The following ARID4B variants were observed in gnomAD, a reference collection of about 807,000 sequenced individuals.
The protein encoded by ARID4B is AT-rich interaction domain 4B.
Under a neutral mutation model 147.5 loss-of-function variants are expected in ARID4B, and 26 were observed. The ratio of observed to expected loss-of-function variants is 0.18; its 90% CI spans 0.13 to 0.24. The LOEUF (loss-of-function observed/expected upper bound fraction) is 0.24. Among genes scored for constraint, ARID4B ranks in the 10% least tolerant of loss-of-function variants. The pLI, the probability that ARID4B is intolerant of heterozygous loss-of-function variation, is 1.00. For missense variants in ARID4B, 1,179 were observed against 1,511.5 expected (o/e 0.78, Z 3.65); for synonymous variants, 512 against 507.9 (o/e 1.01, Z -0.11).
rs117945432 is a variant in ARID4B at position 235,252,589 on chromosome 1, T to C, written c.354+141A>G. On this transcript the variant is annotated intron_variant, in intron 6 of 23. Transcript: ENST00000264183. ...CTCAAACACAGGGCCTTAAACAGGC[T>C]TCACAGATTACATCATAAGGGTATT... 9.1e-5 allele frequency: 52 copies of C among 569,668 alleles called. No individual in the cohort carries two copies. In the East Asian group the frequency reaches 1.6e-3, roughly 18 times the overall value. 35.3% of individuals were successfully genotyped at this position (569,668 alleles called of 1,614,324 possible).
chr1:235,230,441 C>CA (rs925591735), intron 10 of ARID4B, among the ~76,000 whole-genome samples: 31 of 100,382 alleles, frequency 3.1e-4, no homozygotes, highest in African/African-American at 9.1e-4. Context: ...CAAAACAAAA[C>CA]AAAAAAAACA....
chr1:235,192,408 G>A (rs1369488251), intron 19 of ARID4B, among the ~76,000 whole-genome samples: 1 of 152,126 alleles, frequency 6.6e-6, no homozygotes, highest in African/African-American at 2.4e-5. Flanking sequence ...TATTATTACT[G>A]TTCTTTAAAC....
At chr1:235,244,559 T>C (rs971942257) in intron 7 of ARID4B, among the ~76,000 whole-genome samples, 11 of 152,098 alleles carry the variant, frequency 7.2e-5, no homozygotes, top group African/African-American at 2.4e-4. Context: ...AGGTAGAATA[T>C]ACTGAAACTC....
In ARID4B at chr1:235,177,893, C is replaced by G; in HGVS notation, c.3355G>C (p.Val1119Leu). 1 of 1,610,284 alleles carries G rather than the reference C, an allele frequency of 6.2e-7. No individual in the cohort carries two copies. The highest frequency in any genetic ancestry group is 8.5e-7 in the Non-Finnish European group (1 of 1,178,000). ...CTTCCTCCTCCCTGAGCATCTTTCA[C>G]TCTTTTCTGACCTGTACAGGCTATG... ...PEKACTGQKR[V>L]KDAQGGGSSS... The change falls in exon 21 of 24, where the codon GTG becomes CTG. Residue 1119 changes from valine (V) to leucine (L), a missense_variant. Val to Leu is a conservative substitution (Grantham distance 32). Coordinates refer to ENST00000264183, the MANE Select transcript of ARID4B (RefSeq NM_016374.6).
intron 7 of ARID4B, among the ~76,000 whole-genome samples, chr1:235,243,592 T>C (rs1357536040): frequency 6.6e-6 from 1 of 152,158 alleles, no homozygotes; most frequent in Admixed American, 6.5e-5. Context: ...CACACTTCAC[T>C]ATTAACTCTA....
At chr1:235,203,398 A>C (rs937834003) in intron 17 of ARID4B, among the ~76,000 whole-genome samples, 1 of 152,244 alleles carries the variant, frequency 6.6e-6, no homozygotes, top group Admixed American at 6.5e-5. Context: ...TAGTTAATAT[A>C]TACCTAAAAA....
At chr1:235,245,785 C>A (rs376120313) in intron 7 of ARID4B, among the ~76,000 whole-genome samples, 3 of 152,068 alleles carry the variant, frequency 2.0e-5, no homozygotes, top group Non-Finnish European at 2.9e-5. Flanking sequence ...TATGAATTCA[C>A]TTAATTTTCA....
At chr1:235,302,153 G>GAAAAAAAAAAGAAAAAA (rs1673197247) in intron 2 of ARID4B, among the ~76,000 whole-genome samples, 1 of 30,668 alleles carries the variant, frequency 3.3e-5, no homozygotes, top group African/African-American at 1.3e-4. Context: ...TCAAAAAACG[G>GAAAAAAAAAAGAAAAAA]AAAAAAAAAA....
intron 5 of ARID4B, among the ~76,000 whole-genome samples, chr1:235,254,718 A>C (rs1669841361): frequency 6.6e-6 from 1 of 151,952 alleles, no homozygotes; most frequent in African/African-American, 2.4e-5. Flanking sequence ...CAAAACTAAT[A>C]AGAAAAAGAT....
intron 2 of ARID4B, among the ~76,000 whole-genome samples, chr1:235,310,410 G>T (rs532742254): frequency 6.6e-6 from 1 of 152,128 alleles, no homozygotes; most frequent in Non-Finnish European, 1.5e-5. Context: ...AAAAGAACAG[G>T]CTCTGTGATC....
In ARID4B at chr1:235,277,548, A is replaced by AT. The variant is rs1194294649; in HGVS notation, c.7-16797_7-16796insA. 1.2e-3 allele frequency among the ~76,000 whole-genome samples: 182 copies of AT among 149,882 alleles called. 3 individuals carry two copies. The highest frequency in any genetic ancestry group is 3.8e-3 in the African/African-American group (156 of 40,570). On this transcript the variant is annotated intron_variant, in intron 2 of 23. Transcript: ENST00000264183. ...CGAGACTCCGTCTCAAAAAAAAAAAAAAATAATAATAATAATGTAAATGAG... is the reference window on the plus strand; with the variant it reads ...CGAGACTCCGTCTCAAAAAAAAAAAATAAATAATAATAATAATGTAAATGAG...
chr1:235,273,887 A>G (rs1671141345), intron 2 of ARID4B, among the ~76,000 whole-genome samples: 1 of 152,234 alleles, frequency 6.6e-6, no homozygotes, highest in South Asian at 2.1e-4. Flanking sequence ...TTTGCTGGAG[A>G]GATCAATGTT....
intron 21 of ARID4B, among the ~76,000 whole-genome samples, chr1:235,177,239 T>G (rs898090212): frequency 6.6e-6 from 1 of 152,256 alleles, no homozygotes; most frequent in African/African-American, 2.4e-5. Context: ...AGTTGAAATA[T>G]TTCACAATGT....
At chr1:235,288,374 T>C (rs764880393) in intron 2 of ARID4B, among the ~76,000 whole-genome samples, 6 of 152,242 alleles carry the variant, frequency 3.9e-5, no homozygotes, top group South Asian at 2.1e-4. Context: ...ATTCTCATTT[T>C]GGCATATGTT....
At chr1:235,239,161 G>T (rs540708772) in intron 8 of ARID4B, among the ~76,000 whole-genome samples, 9 of 151,912 alleles carry the variant, frequency 5.9e-5, no homozygotes, top group Admixed American at 5.2e-4. Context: ...TAGTAGAGAC[G>T]GGGTTTTGCC....
chr1:235,255,114 C>T (rs1343785256), intron 5 of ARID4B, among the ~76,000 whole-genome samples: 1 of 151,672 alleles, frequency 6.6e-6, no homozygotes, highest in African/African-American at 2.4e-5. Flanking sequence ...TTCAATCCAG[C>T]ATTTATTGTA....
intron 22 of ARID4B, among the ~76,000 whole-genome samples, chr1:235,173,769 AAAATATATATATATATATATATATATAT>A (rs1351005830): frequency 7.9e-5 from 3 of 38,160 alleles, no homozygotes; most frequent in Non-Finnish European, 1.3e-4. Context: ...AAAAAAAAAA[AAAATATATATATATATATATATATATAT>A]ATATATATAT....
chr1:235,173,215 G>A (rs531987759), intron 22 of ARID4B, among the ~76,000 whole-genome samples: 2 of 152,222 alleles, frequency 1.3e-5, no homozygotes, highest in African/African-American at 2.4e-5. Context: ...ATGGTGGCGG[G>A]TGCCTGCAAT....
At chr1:235,221,948 G>A (rs1428903740) in intron 13 of ARID4B, among the ~76,000 whole-genome samples, 1 of 110,644 alleles carries the variant, frequency 9.0e-6, no homozygotes, top group African/African-American at 3.7e-5. Context: ...CTATTGCCTA[G>A]GCTAAAGTGC....
Sources: allele counts gnomAD v4.1 joint callset (sites outside exome capture counted in the v4.1 genomes callset), GRCh38; gene constraint gnomAD v4.1.1; transcripts MANE v1.5; gene names NCBI Gene and HGNC (gene_info 2026-07-23, HGNC 2026-07-21).